Variants in CENPN observed in about 807,000 individuals in gnomAD.
The protein encoded by CENPN is centromere protein N.
Under a neutral mutation model 48.6 loss-of-function variants are expected in CENPN, and 36 were observed. The observed-to-expected ratio is 0.74, with a 90% CI of 0.57 to 0.98. The LOEUF (loss-of-function observed/expected upper bound fraction) is 0.98, where lower values mean the gene tolerates loss of function less well. Among genes scored for constraint, CENPN ranks in the 50% least tolerant of loss-of-function variants. CENPN has a pLI of 0.00. For synonymous variants in CENPN, 166 were observed against 135.2 expected (o/e 1.23, Z -1.58); for missense variants, 439 against 399.2 (o/e 1.10, Z -0.85).
rs555414573 is a variant in CENPN, at chr16:81,018,742, G to A, written c.354+908G>A. ...CTGTGTGCCGCCATACCCTGGACTGGGGAGACTTTCTTGTCTCCTGCACTG... is the reference window on the plus strand; with the variant it reads ...CTGTGTGCCGCCATACCCTGGACTGAGGAGACTTTCTTGTCTCCTGCACTG... On this transcript the variant is annotated intron_variant, in intron 5 of 10. Coordinates refer to ENST00000305850, the MANE Select transcript of CENPN (RefSeq NM_001100624.3). Among the ~76,000 whole-genome samples the A allele has an allele frequency of 2.0e-5, 3 of 152,276 alleles. No individual in the cohort carries two copies. The East Asian group carries it at 5.8e-4, about 29-fold the overall frequency.
At chr16:81,027,151 C>T (rs1050147198) in intron 9 of CENPN, among the ~76,000 whole-genome samples, 1 of 152,064 alleles carries the variant, frequency 6.6e-6, no homozygotes, top group African/African-American at 2.4e-5. Context: ...TCATACCGTG[C>T]TCCTTACTTT....
rs761078576 is a variant in CENPN, at chr16:81,025,689, C to CTTTTTTTTTTTT, written c.698-836_698-835insTTTTTTTTTTTT. Among the ~76,000 whole-genome samples, 7 of 135,232 alleles carry CTTTTTTTTTTTT rather than the reference C, an allele frequency of 5.2e-5. 3 individuals are homozygous for CTTTTTTTTTTTT. Among genetic ancestry groups the CTTTTTTTTTTTT allele is most frequent in the Admixed American group, 2.9e-4 (4 of 13,700 alleles). 88.7% of individuals were successfully genotyped at this position (135,232 alleles called of 152,430 possible). A position where few individuals can be genotyped will look rare whatever the true frequency, so the allele number is the denominator to read the frequency against. On this transcript the variant is annotated intron_variant, in intron 8 of 10. Coordinates refer to ENST00000305850, the MANE Select transcript of CENPN (RefSeq NM_001100624.3). ...TGGGCAACATAGTGAGACCCTGTCT[C>CTTTTTTTTTTTT]TCTTTTTTTTTTTTTTTTTTTTTTT...
intron 9 of CENPN, among the ~76,000 whole-genome samples, 170 bp from the exon 10 acceptor site, chr16:81,028,001 G>A (rs899185552): frequency 6.6e-5 from 10 of 152,224 alleles, no homozygotes; most frequent in Admixed American, 2.0e-4. Flanking sequence ...CACTTTGCCC[G>A]ACCTGCCCTC....
chr16:81,019,113 A>T (rs539872209), intron 5 of CENPN, among the ~76,000 whole-genome samples: 1 of 152,350 alleles, frequency 6.6e-6, no homozygotes, highest in South Asian at 2.1e-4. Flanking sequence ...AGCTAAATGC[A>T]TAAGAGCATT....
chr16:81,007,924 T>A (rs907773284), intron 1 of CENPN, among the ~76,000 whole-genome samples: 1 of 151,998 alleles, frequency 6.6e-6, no homozygotes, highest in African/African-American at 2.4e-5. Flanking sequence ...CTGGCCAACA[T>A]GGTGAAACCC....
chr16:81,009,515 C>G (rs1169859280), intron 1 of CENPN, among the ~76,000 whole-genome samples: 1 of 152,194 alleles, frequency 6.6e-6, no homozygotes, highest in Non-Finnish European at 1.5e-5. Flanking sequence ...GGTCCAGTAA[C>G]TACACAAAGA....
chr16:81,010,510 G>A (rs758592778), intron 1 of CENPN, among the ~76,000 whole-genome samples: 2 of 152,214 alleles, frequency 1.3e-5, no homozygotes, highest in African/African-American at 4.8e-5. Flanking sequence ...GGCAGGAGAA[G>A]TGAGGGAGGA....
intron 1 of CENPN, among the ~76,000 whole-genome samples, chr16:81,010,629 G>A (rs184203283): frequency 1.3e-5 from 2 of 152,188 alleles, no homozygotes; most frequent in East Asian, 1.9e-4. Context: ...CTGTTTATTC[G>A]GTATCTCCAT....
intron 5 of CENPN, among the ~76,000 whole-genome samples, 166 bp downstream of exon 5, chr16:81,018,000 TC>T (rs142086628): frequency 6.6e-6 from 1 of 152,180 alleles, no homozygotes; most frequent in Non-Finnish European, 1.5e-5. Flanking sequence ...TATGAAAACT[TC>T]CCTTTCCTCT....
chr16:81,029,372 T>A lies in CENPN; in HGVS notation c.*721T>A, dbSNP rs1567557850. ...ATCATCACTAAATACCCTATCTTTT[T>A]AAAAATTTTTTCCTTTCTAATTTTT... On this transcript the variant is annotated 3_prime_UTR_variant, in exon 11 of 11. Coordinates refer to ENST00000305850, the MANE Select transcript of CENPN (RefSeq NM_001100624.3). 2 of 884,064 alleles carry A rather than the reference T, an allele frequency of 2.3e-6. No homozygotes were observed. The highest frequency in any genetic ancestry group is 2.7e-6 in the Non-Finnish European group (2 of 737,566). The allele number at this position is 884,064 out of a possible 1,614,324, so 54.8% of individuals were successfully genotyped here. A position where few individuals can be genotyped will look rare whatever the true frequency, so the allele number is the denominator to read the frequency against.
At chr16:81,023,178 T>C in intron 7 of CENPN, 1 of 321,484 alleles carries the variant, frequency 3.1e-6, no homozygotes, top group Non-Finnish European at 6.0e-6. Context: ...TAATGACAAA[T>C]ACAGATCTGT....
At position 81,030,618 on chromosome 16, in the gene CENPN, A is replaced by G. The variant is rs977932739; in HGVS notation, c.*1967A>G. On this transcript the variant is annotated 3_prime_UTR_variant, in exon 11 of 11. Transcript: ENST00000305850. ...AGAAAAATTAGTTGGGGGTAGTGGC[A>G]GCCGCCTGTAATCCCAGCTATTCGA... Among the ~76,000 whole-genome samples, 1 of 152,180 alleles carries G rather than the reference A, an allele frequency of 6.6e-6. No homozygotes were observed. The highest frequency in any genetic ancestry group is 1.5e-5 in the Non-Finnish European group (1 of 68,038).
intron 7 of CENPN, 89 bp from the exon 8 acceptor site, chr16:81,024,626 T>C (rs1970377348): frequency 1.2e-6 from 1 of 836,968 alleles, no homozygotes; most frequent in Admixed American, 2.8e-5. Flanking sequence ...AAAATAAACA[T>C]TTGACATACT....
chr16:81,011,728 C>T (rs1468642317), intron 1 of CENPN, among the ~76,000 whole-genome samples: 3 of 152,158 alleles, frequency 2.0e-5, no homozygotes, highest in Non-Finnish European at 2.9e-5. Flanking sequence ...GATGGCCAGG[C>T]GCAGTAGCTC....
intron 3 of CENPN, among the ~76,000 whole-genome samples, chr16:81,016,326 C>G (rs1453257227): frequency 6.6e-6 from 1 of 152,200 alleles, no homozygotes; most frequent in East Asian, 1.9e-4. Context: ...GAGACCCTGT[C>G]TCTTAGAAAA....
intron 9 of CENPN, 77 bp from the exon 10 acceptor site, chr16:81,028,094 C>T (rs1970592063): frequency 8.8e-7 from 1 of 1,137,438 alleles, no homozygotes; most frequent in Admixed American, 2.0e-5. Flanking sequence ...TGAAACGTAT[C>T]ATTATGATTT....
intron 6 of CENPN, chr16:81,020,545 T>C (rs1970139213): frequency 1.0e-5 from 3 of 291,846 alleles, no homozygotes; most frequent in African/African-American, 2.2e-5. Flanking sequence ...ATGTAATTCT[T>C]GTTCTCCTAA....
chr16:81,030,192 C>G lies in CENPN; in HGVS notation c.*1541C>G. 1 of 985,392 alleles carries G rather than the reference C, an allele frequency of 1.0e-6. No individual in the cohort carries two copies. The highest frequency in any genetic ancestry group is 1.1e-4 in the East Asian group (1 of 8,816). The allele number at this position is 985,392 out of a possible 1,614,324, so 61.0% of individuals were successfully genotyped here. A position where few individuals can be genotyped will look rare whatever the true frequency, so the allele number is the denominator to read the frequency against. ...ATTCAAGGTGACACTTGTGTGGAGA[C>G]ACAGCCAAACCATATCACAGGCATG... is the stretch of plus-strand genomic sequence containing the variant. On this transcript the variant is annotated 3_prime_UTR_variant, in exon 11 of 11. Transcript: ENST00000305850.
intron 7 of CENPN, chr16:81,023,924 C>T (rs533778046): frequency 1.3e-5 from 2 of 152,186 alleles, no homozygotes; most frequent in Admixed American, 1.3e-4. Context: ...ACTAAAAATA[C>T]AAAAAAATTA....
Sources: allele counts gnomAD v4.1 joint callset (sites outside exome capture counted in the v4.1 genomes callset), GRCh38; gene constraint gnomAD v4.1.1; transcripts MANE v1.5; gene names NCBI Gene and HGNC (gene_info 2026-07-23, HGNC 2026-07-21).